MICAL2: variants seen among roughly 807,000 people sequenced by gnomAD.
MICAL2 encodes the protein microtubule associated monooxygenase, calponin and LIM domain containing 2, also known as [F-actin]-monooxygenase MICAL2.
A neutral mutation model predicts 127.3 loss-of-function variants in MICAL2; 77 were observed. That is an observed-to-expected ratio of 0.60 (90% CI 0.50 to 0.73). The LOEUF is 0.73. Among genes scored for constraint, MICAL2 ranks in the 30% least tolerant of loss-of-function variants. The pLI, the probability that MICAL2 is intolerant of heterozygous loss-of-function variation, is 0.00. For synonymous variants in MICAL2, 570 were observed against 551.1 expected, an observed-to-expected ratio of 1.03 and a Z score of -0.48; for missense variants, 1,351 against 1,434.4, an observed-to-expected ratio of 0.94 and a Z score of 0.94.
chr11:12,259,745 T>C, intron 25 of MICAL2, 50 bp from the exon 26 acceptor site: 1 of 1,471,560 alleles, frequency 6.8e-7, no homozygotes, highest in East Asian at 2.3e-5. Context: ...GTTGAAGTAG[T>C]CCTCTGGAAG....
chr11:12,276,865 G>T (rs922702197), intron 1 of MICAL2: 3 of 152,184 alleles, frequency 2.0e-5, no homozygotes, highest in Admixed American at 6.5e-5. Flanking sequence ...AACAAGAAAA[G>T]CATCACCTAT....
intron 3 of MICAL2, among the ~76,000 whole-genome samples, chr11:12,197,158 A>G (rs1308960361): frequency 6.6e-6 from 1 of 152,208 alleles, no homozygotes; most frequent in East Asian, 1.9e-4. Context: ...AGTCCTTTAC[A>G]TATCTTAGAT....
At chr11:12,270,977 G>A (rs1019675125) in intron 24 of MICAL2, among the ~76,000 whole-genome samples, 6 of 152,204 alleles carry the variant, frequency 3.9e-5, no homozygotes, top group Non-Finnish European at 7.3e-5. Context: ...GCAGGGGTCT[G>A]GCCAGGAAAG....
Position 12,358,226 on chromosome 11 carries a change from T to C in MICAL2, c.5690-69T>C. On this transcript the variant is annotated intron_variant, in intron 34 of 34. Coordinates refer to the MICAL2 transcript ENST00000646065. Reference sequence around the variant, plus strand: ...AGAACAAGTCCATAACAATCGAGAATGTCCATGCCAAGAACTCTGCCGGGG... The same window carrying C: ...AGAACAAGTCCATAACAATCGAGAACGTCCATGCCAAGAACTCTGCCGGGG... The C allele has an allele frequency of 2.1e-6, 3 of 1,462,648 alleles. No individual in the cohort carries two copies. The South Asian group carries it at 3.7e-5, about 18-fold the overall frequency. The allele number at this position is 1,462,648 out of a possible 1,614,324, so 90.6% of individuals were successfully genotyped here.
At chr11:12,122,471 C>T (rs79738472) in intron 1 of MICAL2, among the ~76,000 whole-genome samples, 7,742 of 152,252 alleles carry the variant, frequency 0.051, 260 homozygotes, top group South Asian at 0.1. Flanking sequence ...CAGTGTAGTG[C>T]GATCCTGGCT....
chr11:12,138,380 GT>G lies in MICAL2; in HGVS notation c.-148-5del, dbSNP rs1852022219. The stretch of plus-strand genomic sequence containing the variant: ...CACTGACATTAATTGTTGGGCTCTT[GT>G]TTTTAAAGGAACATGGCAACCCGTG... On this transcript the variant is annotated splice_polypyrimidine_tract_variant and intron_variant, in intron 1 of 27. Transcript: ENST00000683283. 1 of 152,244 alleles carries G rather than the reference GT, an allele frequency of 6.6e-6. No individual in the cohort carries two copies. 9.4% of individuals were successfully genotyped at this position (152,244 alleles called of 1,614,324 possible). A position where few individuals can be genotyped will look rare whatever the true frequency, so the allele number is the denominator to read the frequency against.
intron 32 of MICAL2, among the ~76,000 whole-genome samples, chr11:12,335,540 C>T (rs1241591653): frequency 1.3e-5 from 2 of 152,082 alleles, no homozygotes; most frequent in African/African-American, 2.4e-5. Flanking sequence ...TGCCTATGTC[C>T]TGAATAGTAT....
downstream of MICAL2, among the ~76,000 whole-genome samples, chr11:12,295,579 T>C (rs993322208): frequency 6.6e-6 from 1 of 152,016 alleles, no homozygotes; most frequent in East Asian, 1.9e-4. Flanking sequence ...TTATTTTTTG[T>C]GGAGATGGAG....
chr11:12,257,039 C>CCTGT, intron 24 of MICAL2, 68 bp downstream of exon 24: 1 of 1,494,426 alleles, frequency 6.7e-7, no homozygotes, highest in Non-Finnish European at 9.0e-7. Flanking sequence ...GGCTCGGGTT[C>CCTGT]CTGTCCCTCT....
chr11:12,207,958 C>A, intron 4 of MICAL2, 65 bp from the exon 5 acceptor site: 2 of 1,208,492 alleles, frequency 1.7e-6, no homozygotes, highest in Non-Finnish European at 2.5e-6. Flanking sequence ...GATTATGTAG[C>A]ATTCTGCATA....
intron 26 of MICAL2, chr11:12,261,638 G>C: frequency 1.0e-6 from 1 of 985,482 alleles, no homozygotes; most frequent in South Asian, 4.7e-5. Flanking sequence ...GGGTGTGGGT[G>C]AGGAGTCAGA....
intron 1 of MICAL2, among the ~76,000 whole-genome samples, chr11:12,123,647 G>A (rs1337808080): frequency 2.6e-5 from 4 of 152,184 alleles, no homozygotes; most frequent in South Asian, 2.1e-4. Context: ...GGGAGAGATC[G>A]TTAGGTTTCA....
intron 1 of MICAL2, among the ~76,000 whole-genome samples, chr11:12,135,143 A>G (rs2133580669): frequency 6.6e-6 from 1 of 152,344 alleles, no homozygotes; most frequent in South Asian, 2.1e-4. Flanking sequence ...CTTGAGTCCT[A>G]TACCCTCCTT....
intron 1 of MICAL2, among the ~76,000 whole-genome samples, chr11:12,125,714 G>A (rs771953236): frequency 7.9e-5 from 12 of 152,146 alleles, no homozygotes; most frequent in South Asian, 4.1e-4. Flanking sequence ...GCATAATCAC[G>A]GTCCGGAAAC....
At chr11:12,311,593 C>T (rs938803330) in intron 29 of MICAL2, among the ~76,000 whole-genome samples, 8 of 152,122 alleles carry the variant, frequency 5.3e-5, no homozygotes, top group South Asian at 2.1e-4. Context: ...TTAGAGACAG[C>T]GTTTCACCGT....
intron 2 of MICAL2, among the ~76,000 whole-genome samples, chr11:12,145,414 C>T (rs1350668380): frequency 6.6e-6 from 1 of 152,162 alleles, no homozygotes; most frequent in Non-Finnish European, 1.5e-5. Flanking sequence ...GTTTTCAGGG[C>T]TTAAAACAAA....
intron 32 of MICAL2, among the ~76,000 whole-genome samples, chr11:12,348,786 C>T (rs1026478206): frequency 2.6e-5 from 4 of 152,160 alleles, no homozygotes; most frequent in African/African-American, 9.7e-5. Flanking sequence ...TCCATTTCTT[C>T]AGCTATCAAG....
exon 35 of MICAL2, chr11:12,358,334 A>G: frequency 6.2e-7 from 1 of 1,614,180 alleles, no homozygotes; most frequent in South Asian, 1.1e-5. Context: ...GAAGAGCAAG[A>G]AGTATTCACC....
chr11:12,180,424 A>G (rs1857319983), intron 3 of MICAL2, among the ~76,000 whole-genome samples: 1 of 151,706 alleles, frequency 6.6e-6, no homozygotes, highest in African/African-American at 2.4e-5. Context: ...GCACACGGCC[A>G]CAGGTGTGGG....
Sources: gnomAD v4.1 joint callset for allele counts (sites outside exome capture counted in the v4.1 genomes callset) on GRCh38, gnomAD v4.1.1 for gene constraint, MANE v1.5 for transcripts, NCBI Gene and HGNC (gene_info 2026-07-23, HGNC 2026-07-21) for gene names.